FBXO34: variants seen among roughly 807,000 people sequenced by gnomAD.
The protein encoded by FBXO34 is F-box protein 34, also known as F-box only protein 34.
FBXO34 carries 12 observed loss-of-function variants against 24.5 expected under a neutral mutation model. The observed-to-expected ratio is 0.49, with a 90% CI of 0.31 to 0.79. The LOEUF is 0.79. FBXO34 is among the 30% of genes least tolerant of loss of function. The pLI, the probability that FBXO34 is intolerant of heterozygous loss-of-function variation, is 0.04. For synonymous variants in FBXO34, 320 were observed against 311.9 expected, an observed-to-expected ratio of 1.03 and a Z score of -0.27; for missense variants, 823 against 857.7, an observed-to-expected ratio of 0.96 and a Z score of 0.51.
At chr14:55,369,323 T>G (rs978989321), downstream of FBXO34, 1 of 230,142 alleles carries the variant, frequency 4.3e-6, no homozygotes, top group Non-Finnish European at 8.4e-6. Flanking sequence ...GGAACCCAAA[T>G]CAACTGCTTC....
intron 1 of FBXO34, among the ~76,000 whole-genome samples, chr14:55,335,565 A>G (rs937681729): frequency 2.0e-5 from 3 of 152,188 alleles, no homozygotes; most frequent in African/African-American, 7.2e-5. Context: ...CAATTTGGTG[A>G]CTTTTAGGCA....
At chr14:55,314,734 AAG>A (rs1478108805) in intron 1 of FBXO34, among the ~76,000 whole-genome samples, 1 of 152,226 alleles carries the variant, frequency 6.6e-6, no homozygotes, top group Admixed American at 6.5e-5. Flanking sequence ...AATCTGAAAA[AAG>A]AACTAAAACA....
At chr14:55,313,550 A>T (rs747870692) in intron 1 of FBXO34, among the ~76,000 whole-genome samples, 5 of 152,222 alleles carry the variant, frequency 3.3e-5, no homozygotes, top group Admixed American at 2.6e-4. Context: ...TGTAAAAAAA[A>T]CTGCCTGAAA....
Position 55,351,113 on chromosome 14 carries a change from A to G in FBXO34, c.723A>G (p.Gln241=), listed in dbSNP as rs145907652. ...CTGCAATTGTGAGGTTTTCTGGCCA[A>G]TCCAGAGGTGTGCCTGCAGTGTCTG... The part of the protein sequence containing the change: ...NSPAIVRFSG[Q]SRGVPAVSES... The change falls in exon 2 of 2, where the codon CAA becomes CAG. Residue 241 remains glutamine, a synonymous_variant. Transcript: ENST00000313833. 9.2e-5 allele frequency: 148 copies of G among 1,614,230 alleles called. 2 individuals are homozygous for G. In the African/African-American group the frequency reaches 1.2e-3, roughly 13 times the overall value.
chr14:55,393,184 A>C, the FBXO34 span, among the ~76,000 whole-genome samples: 1 of 152,028 alleles, frequency 6.6e-6, no homozygotes, highest in Non-Finnish European at 1.5e-5. Flanking sequence ...GATTGAGACC[A>C]TCCTGGCTAA....
chr14:55,275,925 A>C (rs1881326517), intron 1 of FBXO34, among the ~76,000 whole-genome samples: 1 of 151,922 alleles, frequency 6.6e-6, no homozygotes, highest in African/African-American at 2.4e-5. Flanking sequence ...TCAGTTAAAA[A>C]GAATAGGGAA....
chr14:55,433,335 C>T, the FBXO34 span, among the ~76,000 whole-genome samples: 1 of 103,652 alleles, frequency 9.6e-6, no homozygotes, highest in Non-Finnish European at 1.8e-5. Context: ...TTTTTTTTAA[C>T]AGAGATGGAG....
At chr14:55,376,211 TATAAAGTAGGAATAATA>T in the FBXO34 span, among the ~76,000 whole-genome samples, 7 of 152,340 alleles carry the variant, frequency 4.6e-5, no homozygotes, top group Admixed American at 1.3e-4. Flanking sequence ...TTCTCCTGTC[TATAAAGTAGGAATAATA>T]TCCAAGGCAA....
the FBXO34 span, among the ~76,000 whole-genome samples, chr14:55,442,948 TGAAA>T: frequency 6.6e-6 from 1 of 152,168 alleles, no homozygotes; most frequent in Non-Finnish European, 1.5e-5. Context: ...CATCTGCGAA[TGAAA>T]GAGAGCGGCC....
intron 1 of FBXO34, among the ~76,000 whole-genome samples, chr14:55,323,728 C>A (rs1179644018): frequency 1.3e-5 from 2 of 152,078 alleles, no homozygotes; most frequent in African/African-American, 4.8e-5. Context: ...ACTCAGAGAT[C>A]CAGTTTTCTC....
the FBXO34 span, chr14:55,436,865 G>A: frequency 6.2e-7 from 1 of 1,614,188 alleles, no homozygotes; most frequent in South Asian, 1.1e-5. Context: ...TCATCTGGTA[G>A]GAAGCTAAGA....
At chr14:55,331,908 A>AATAT (rs1470253258) in intron 1 of FBXO34, among the ~76,000 whole-genome samples, 1 of 82,676 alleles carries the variant, frequency 1.2e-5, no homozygotes, top group Admixed American at 1.0e-4. Flanking sequence ...TATATATAAA[A>AATAT]ATATATATAT....
intron 1 of FBXO34, among the ~76,000 whole-genome samples, chr14:55,287,067 TGGC>T (rs1163747984): frequency 6.6e-6 from 1 of 151,920 alleles, no homozygotes; most frequent in Non-Finnish European, 1.5e-5. Flanking sequence ...CCATCACACC[TGGC>T]TAGTTTTTGT....
rs1298620186 is a variant in FBXO34 at position 55,332,047 on chromosome 14, A to AAT, written c.-10-18320_-10-18319dup. Reference sequence around the variant, plus strand: ...ATACCACCGTGGTGGTATATATAAAAATATATATATATATACCACCGTGGT... The same window carrying AAT: ...ATACCACCGTGGTGGTATATATAAAAATATATATATATATATACCACCGTGGT... On this transcript the variant is annotated intron_variant, in intron 1 of 1. Coordinates refer to ENST00000313833, the MANE Select transcript of FBXO34 (RefSeq NM_017943.4). Among the ~76,000 whole-genome samples the AAT allele has an allele frequency of 1.9e-4, 25 of 134,872 alleles. 1 individual carries two copies. Among genetic ancestry groups the AAT allele is most frequent in the Non-Finnish European group, 3.1e-4 (20 of 63,830 alleles). The allele number at this position is 134,872 out of a possible 152,430, so 88.5% of individuals were successfully genotyped here.
the FBXO34 span, among the ~76,000 whole-genome samples, chr14:55,418,866 G>T: frequency 6.6e-5 from 10 of 152,296 alleles, no homozygotes; most frequent in Admixed American, 6.5e-4. Context: ...TAGCTCAACA[G>T]TGCCAGGCAC....
chr14:55,440,391 C>G, the FBXO34 span: 4 of 1,612,924 alleles, frequency 2.5e-6, no homozygotes, highest in African/African-American at 1.3e-5. Context: ...TGGCGGCAGC[C>G]TCACCTGAGC....
At chr14:55,375,257 GA>G in the FBXO34 span, among the ~76,000 whole-genome samples, 1 of 152,106 alleles carries the variant, frequency 6.6e-6, no homozygotes, top group Non-Finnish European at 1.5e-5. Flanking sequence ...ACAGTAAAAG[GA>G]ATACTTTTTC....
chr14:55,417,235 TC>T, the FBXO34 span, among the ~76,000 whole-genome samples: 1 of 152,128 alleles, frequency 6.6e-6, no homozygotes, highest in Non-Finnish European at 1.5e-5. Context: ...CGGTGTTCCT[TC>T]CTTTACACCA....
At chr14:55,287,766 C>T (rs1361206054) in intron 1 of FBXO34, among the ~76,000 whole-genome samples, 3 of 152,220 alleles carry the variant, frequency 2.0e-5, no homozygotes, top group Admixed American at 2.0e-4. Context: ...TCACTTGTCT[C>T]ATTAACAACA....
Sources: gnomAD v4.1 joint callset for allele counts (sites outside exome capture counted in the v4.1 genomes callset) on GRCh38, gnomAD v4.1.1 for gene constraint, MANE v1.5 for transcripts, NCBI Gene and HGNC (gene_info 2026-07-23, HGNC 2026-07-21) for gene names.